GFRA1: variants seen among roughly 807,000 people sequenced by gnomAD.
GFRA1 encodes the protein GDNF family receptor alpha-1.
A neutral mutation model predicts 51.6 loss-of-function variants in GFRA1; 16 were observed. The observed-to-expected ratio is 0.31, with a 90% CI of 0.21 to 0.47. GFRA1 has a LOEUF of 0.47. Ranked by LOEUF, GFRA1 falls within the 20% of genes least tolerant of loss-of-function variation. The pLI is 1.00. For synonymous variants in GFRA1, 270 were observed against 241.3 expected, an observed-to-expected ratio of 1.12 and a Z score of -1.10; for missense variants, 530 against 594.3, an observed-to-expected ratio of 0.89 and a Z score of 1.13.
chr10:116,241,338 CAGAG>C (rs913961405), intron 4 of GFRA1, among the ~76,000 whole-genome samples: 6 of 152,144 alleles, frequency 3.9e-5, no homozygotes, highest in African/African-American at 1.4e-4. Flanking sequence ...GCCGAGAAAA[CAGAG>C]AGGCTTTGGA....
chr10:116,254,164 T>TA (rs891789901), intron 4 of GFRA1, among the ~76,000 whole-genome samples: 25 of 150,084 alleles, frequency 1.7e-4, no homozygotes, highest in East Asian at 5.9e-4. Context: ...CTACTAAAAA[T>TA]AAAAAAAATT....
chr10:116,114,376 C>T (rs1957328808), intron 6 of GFRA1, among the ~76,000 whole-genome samples: 1 of 152,154 alleles, frequency 6.6e-6, no homozygotes, highest in Non-Finnish European at 1.5e-5. Context: ...TGAGATGACA[C>T]ATGCTCCAAA....
chr10:116,240,726 G>T (rs1053701534), intron 4 of GFRA1, among the ~76,000 whole-genome samples: 7 of 152,092 alleles, frequency 4.6e-5, no homozygotes, highest in African/African-American at 1.7e-4. Flanking sequence ...AAACTAAACC[G>T]TACGCATCTT....
At chr10:116,179,726 C>A (rs1241280156) in intron 5 of GFRA1, among the ~76,000 whole-genome samples, 1 of 152,138 alleles carries the variant, frequency 6.6e-6, no homozygotes, top group Non-Finnish European at 1.5e-5. Flanking sequence ...AAGGACACTC[C>A]ACACAAAGAC....
intron 4 of GFRA1, among the ~76,000 whole-genome samples, chr10:116,264,810 A>G (rs1369663099): frequency 4.6e-5 from 7 of 152,204 alleles, no homozygotes. Context: ...AGTTTACCAT[A>G]TGCCAGAGTA....
intron 9 of GFRA1, among the ~76,000 whole-genome samples, chr10:116,084,810 A>ACG (rs1430589030): frequency 5.3e-5 from 7 of 132,984 alleles, no homozygotes; most frequent in Admixed American, 3.1e-4. Flanking sequence ...ACACACACAC[A>ACG]CAGTCCATTT....
At chr10:116,131,065 A>G in intron 5 of GFRA1, among the ~76,000 whole-genome samples, 1 of 152,168 alleles carries the variant, frequency 6.6e-6, no homozygotes, top group East Asian at 1.9e-4. Context: ...AAATGCCCAA[A>G]TCTCAATATA....
chr10:116,146,008 T>TAC (rs139009740), intron 5 of GFRA1, among the ~76,000 whole-genome samples: 1 of 151,606 alleles, frequency 6.6e-6, no homozygotes, highest in East Asian at 1.9e-4. Flanking sequence ...AAACAAAGTG[T>TAC]ACACACACAC....
At chr10:116,157,597 G>C (rs1555160420) in intron 5 of GFRA1, among the ~76,000 whole-genome samples, 5 of 152,062 alleles carry the variant, frequency 3.3e-5, no homozygotes, top group Non-Finnish European at 5.9e-5. Context: ...ATTCATCCTT[G>C]AAGAAAGAAG....
At chr10:116,098,264 T>C (rs896869350) in intron 6 of GFRA1, among the ~76,000 whole-genome samples, 3 of 152,250 alleles carry the variant, frequency 2.0e-5, no homozygotes, top group Non-Finnish European at 2.9e-5. Context: ...GGCAAAATCC[T>C]GCGAATGTGG....
At chr10:116,088,920 CAAAAAAAAA>C (rs58590152) in intron 9 of GFRA1, among the ~76,000 whole-genome samples, 233 of 49,058 alleles carry the variant, frequency 4.7e-3, no homozygotes, top group East Asian at 0.017. Flanking sequence ...GACTCTGTCT[CAAAAAAAAA>C]AAAAAAAAAA....
At chr10:116,146,683 C>T (rs182100715) in intron 5 of GFRA1, among the ~76,000 whole-genome samples, 1 of 152,290 alleles carries the variant, frequency 6.6e-6, no homozygotes, top group Non-Finnish European at 1.5e-5. Context: ...TTCTATCCTG[C>T]TAAACCAAAG....
intron 4 of GFRA1, among the ~76,000 whole-genome samples, chr10:116,256,890 C>T (rs966786794): frequency 2.0e-5 from 3 of 152,222 alleles, no homozygotes; most frequent in Non-Finnish European, 4.4e-5. Context: ...GGCTGGACAG[C>T]ACCATCCCTC....
chr10:116,072,788 TAAAAG>T (rs1052002924), intron 9 of GFRA1, among the ~76,000 whole-genome samples: 11 of 151,326 alleles, frequency 7.3e-5, no homozygotes, highest in Non-Finnish European at 1.3e-4. Flanking sequence ...AACAAAAAAA[TAAAAG>T]AGCACAGGTT....
At chr10:116,180,158 T>TA (rs1962069007) in intron 5 of GFRA1, among the ~76,000 whole-genome samples, 2 of 152,342 alleles carry the variant, frequency 1.3e-5, no homozygotes, top group Non-Finnish European at 2.9e-5. Context: ...TCAAAGGTTT[T>TA]AAAGTGCCTG....
rs140698105 is a variant in GFRA1 at position 116,182,836 on chromosome 10, G to A, written c.433+28795C>T. ...AGGTCTGAAAGTTACAGTCACTAAG[G>A]TATCAAACAATGACATCCCCTTCAA... On this transcript the variant is annotated intron_variant, in intron 5 of 10. Transcript: ENST00000355422. Among the ~76,000 whole-genome samples, 10 of 152,312 alleles carry A rather than the reference G, an allele frequency of 6.6e-5. No individual in the cohort carries two copies. The East Asian group carries it at 1.9e-3, about 29-fold the overall frequency.
Position 116,058,037 on chromosome 10 carries a change from T to TACA in GFRA1, c.*6360_*6361insTGT, listed in dbSNP as rs1555140511. The stretch of plus-strand genomic sequence containing the variant: ...GTGTGTGTGTGTGTGTGTGTGTGTG[T>TACA]GTGTGACAGAGAGAACCACGCTTTA... On this transcript the variant is annotated 3_prime_UTR_variant, in exon 11 of 11. Coordinates refer to ENST00000355422, the MANE Select transcript of GFRA1 (RefSeq NM_005264.8). 2,573 of 118,302 alleles carry TACA rather than the reference T, an allele frequency of 0.022. 95 individuals are homozygous for TACA. The highest frequency in any genetic ancestry group is 0.079 in the African/African-American group (2,251 of 28,616). 7.3% of individuals were successfully genotyped at this position (118,302 alleles called of 1,614,324 possible).
chr10:116,247,979 T>G (rs1968004700), intron 4 of GFRA1, among the ~76,000 whole-genome samples: 2 of 152,230 alleles, frequency 1.3e-5, no homozygotes, highest in African/African-American at 4.8e-5. Context: ...TAGTTTCTGT[T>G]TTAAAATGAT....
At chr10:116,132,908 G>A (rs1208315727) in intron 5 of GFRA1, among the ~76,000 whole-genome samples, 4 of 152,086 alleles carry the variant, frequency 2.6e-5, no homozygotes, top group Admixed American at 2.0e-4. Flanking sequence ...TACGGTCTGG[G>A]CACAAGCGCC....
Sources: allele counts gnomAD v4.1 joint callset (sites outside exome capture counted in the v4.1 genomes callset), GRCh38; gene constraint gnomAD v4.1.1; transcripts MANE v1.5; gene names NCBI Gene and HGNC (gene_info 2026-07-23, HGNC 2026-07-21).